REV3L: variants seen among roughly 807,000 people sequenced by gnomAD.
REV3L encodes the protein REV3 like, DNA directed polymerase zeta catalytic subunit, also known as DNA polymerase zeta catalytic subunit.
A neutral mutation model predicts 299.4 loss-of-function variants in REV3L; 69 were observed. The ratio of observed to expected loss-of-function variants is 0.23; its 90% CI spans 0.19 to 0.28. The LOEUF is 0.28. Among genes scored for constraint, REV3L ranks in the 10% least tolerant of loss-of-function variants. The pLI is 1.00. For missense variants in REV3L, 3,128 were observed against 3,693.8 expected (o/e 0.85, Z 3.97); for synonymous variants, 1,238 against 1,271.4 (o/e 0.97, Z 0.56).
At chr6:111,356,368 A>T (rs974883649) in intron 18 of REV3L, among the ~76,000 whole-genome samples, 4 of 152,144 alleles carry the variant, frequency 2.6e-5, no homozygotes, top group Non-Finnish European at 5.9e-5. Flanking sequence ...TAATGATTTT[A>T]TTTTTAAATT....
intron 1 of REV3L, among the ~76,000 whole-genome samples, chr6:111,480,011 G>GTA (rs1320072130): frequency 5.3e-5 from 8 of 151,978 alleles, no homozygotes; most frequent in Admixed American, 5.2e-4. Context: ...CTAGTAAAAG[G>GTA]GTATTAATCC....
At chr6:111,342,012 A>C (rs956540969) in intron 21 of REV3L, among the ~76,000 whole-genome samples, 1 of 152,040 alleles carries the variant, frequency 6.6e-6, no homozygotes, top group Non-Finnish European at 1.5e-5. Flanking sequence ...CCCTAGAGAA[A>C]GGCCTACTCT....
chr6:111,456,930 T>C (rs1380434224), intron 1 of REV3L, among the ~76,000 whole-genome samples: 4 of 152,146 alleles, frequency 2.6e-5, no homozygotes. Flanking sequence ...AAAGTCTGAA[T>C]CTACTCAAAA....
chr6:111,308,589 G>T (rs184786389), intron 30 of REV3L, among the ~76,000 whole-genome samples: 10 of 152,156 alleles, frequency 6.6e-5, no homozygotes, highest in Non-Finnish European at 1.3e-4. Flanking sequence ...ATAAGTTGGG[G>T]AACAACTATA....
chr6:111,325,082 T>C (rs889927591), intron 25 of REV3L, among the ~76,000 whole-genome samples: 10 of 152,242 alleles, frequency 6.6e-5, no homozygotes, highest in Admixed American at 6.5e-5. Context: ...AGGATGGTCT[T>C]GGTCTCCTGA....
Position 111,375,797 on chromosome 6 carries a change from G to A in REV3L, c.2558C>T (p.Thr853Ile). ...ATTATTTTGTATAAAATTATCTTTT[G>A]TGGATCCAGTCTCACTACTTTTGGT... is the stretch of plus-strand genomic sequence containing the variant. ...TSTKSSETGS[T>I]KDNFIQNNPC... The change falls in exon 13 of 32, where the codon ACA becomes ATA. Residue 853 changes from threonine to isoleucine, a missense_variant. Physicochemically the swap from Thr to Ile is moderately conservative, Grantham distance 89 (BLOSUM62 -1). Transcript: ENST00000368802. 1.2e-6 allele frequency: 2 copies of A among 1,613,442 alleles called. No homozygotes were observed. The highest frequency in any genetic ancestry group is 1.7e-6 in the Non-Finnish European group (2 of 1,179,692).
In REV3L at chr6:111,422,713, A is replaced by G. The variant is rs1270749618; in HGVS notation, c.140-6241T>C. On this transcript the variant is annotated intron_variant, in intron 1 of 31. Transcript: ENST00000368802. Reference sequence around the variant, plus strand: ...ATATATATATATATTTCCCCCCACTAAATATACAACTTGTGTAAACAAAAG... The same window carrying G: ...ATATATATATATATTTCCCCCCACTGAATATACAACTTGTGTAAACAAAAG... Among the ~76,000 whole-genome samples, 8 of 137,150 alleles carry G rather than the reference A, an allele frequency of 5.8e-5. 1 individual carries two copies. The highest frequency in any genetic ancestry group is 9.6e-5 in the Non-Finnish European group (6 of 62,712). 90.0% of individuals were successfully genotyped at this position (137,150 alleles called of 152,430 possible). A position where few individuals can be genotyped will look rare whatever the true frequency, so the allele number is the denominator to read the frequency against.
chr6:111,419,928 T>TCC (rs1471306289), intron 1 of REV3L, among the ~76,000 whole-genome samples: 1 of 152,044 alleles, frequency 6.6e-6, no homozygotes, highest in Admixed American at 6.5e-5. Context: ...TGCTGCAAGC[T>TCC]CCACCTCCCG....
intron 1 of REV3L, among the ~76,000 whole-genome samples, chr6:111,456,245 G>C (rs1480204735): frequency 6.6e-6 from 1 of 152,016 alleles, no homozygotes; most frequent in Non-Finnish European, 1.5e-5. Context: ...ACAATTCCTT[G>C]TTTCTGTTCT....
At chr6:111,403,469 T>C (rs1263729661) in intron 4 of REV3L, among the ~76,000 whole-genome samples, 1 of 152,206 alleles carries the variant, frequency 6.6e-6, no homozygotes, top group East Asian at 1.9e-4. Context: ...TGTGTTCATT[T>C]TGTGTCTCTC....
intron 9 of REV3L, 83 bp from the exon 10 acceptor site, chr6:111,381,527 G>A: frequency 8.5e-7 from 1 of 1,180,788 alleles, no homozygotes; most frequent in East Asian, 2.5e-5. Context: ...AAATTTGGAA[G>A]CATTACCATA....
Position 111,422,611 on chromosome 6 carries a change from T to TAC in REV3L, c.140-6141_140-6140dup, listed in dbSNP as rs372804101. The stretch of plus-strand genomic sequence containing the variant: ...ATATATATACACATATATATATATA[T>TAC]ACACATATATATATATATACACATA... On this transcript the variant is annotated intron_variant, in intron 1 of 31. Transcript: ENST00000368802. 1.8e-4 allele frequency among the ~76,000 whole-genome samples: 5 copies of TAC among 27,256 alleles called. 1 individual carries two copies. The highest frequency in any genetic ancestry group is 3.7e-4 in the Non-Finnish European group (3 of 8,116). The allele number at this position is 27,256 out of a possible 152,430, so 17.9% of individuals were successfully genotyped here.
At chr6:111,305,516 G>A (rs1224056090) in intron 31 of REV3L, among the ~76,000 whole-genome samples, 2 of 152,130 alleles carry the variant, frequency 1.3e-5, no homozygotes, top group Non-Finnish European at 2.9e-5. Context: ...GAGCCCAGGA[G>A]GTTGAGGCTG....
chr6:111,365,275 G>T lies in REV3L; in HGVS notation c.6743C>A (p.Thr2248Lys). 6.5e-7 allele frequency: 1 copy of T among 1,529,850 alleles called. No individual in the cohort carries two copies. The highest frequency in any genetic ancestry group is 8.8e-7 in the Non-Finnish European group (1 of 1,134,152). 94.8% of individuals were successfully genotyped at this position (1,529,850 alleles called of 1,614,324 possible). A position where few individuals can be genotyped will look rare whatever the true frequency, so the allele number is the denominator to read the frequency against. ...GTTTAGTATAGTTACCTTTGCTTGTGTTAACAGTACTCTTCTAAGAGTGTC... is the reference window on the plus strand; with the variant it reads ...GTTTAGTATAGTTACCTTTGCTTGTTTTAACAGTACTCTTCTAAGAGTGTC... Reference protein sequence around the residue: ...NTDTLRRVLLTQAKNQFAAVN... With the variant: ...NTDTLRRVLLKQAKNQFAAVN... Residue 2248 changes from threonine to lysine, a missense_variant, in exon 15 of 32, where the codon ACA becomes AAA. Coordinates refer to ENST00000368802, the MANE Select transcript of REV3L (RefSeq NM_001372078.1).
chr6:111,365,378 T>C (rs1779087982), intron 14 of REV3L, 34 bp from the exon 15 acceptor site: 2 of 1,259,016 alleles, frequency 1.6e-6, no homozygotes, highest in African/African-American at 1.5e-5. Context: ...AACATGTATA[T>C]CAAAATTACC....
chr6:111,406,675 T>C (rs1366551259), intron 3 of REV3L, among the ~76,000 whole-genome samples: 1 of 151,982 alleles, frequency 6.6e-6, no homozygotes, highest in Non-Finnish European at 1.5e-5. Context: ...AGCTGGTTAG[T>C]GGTGGTGCAA....
rs1001568051 is a variant in REV3L, at chr6:111,406,285, G to A, written c.405-655C>T. Among the ~76,000 whole-genome samples the A allele has an allele frequency of 1.3e-4, 20 of 152,138 alleles. No homozygotes were observed. The South Asian group carries it at 1.4e-3, about 11-fold the overall frequency. ...TAAAACTGCACATGTAAAGGGTCAC[G>A]AGAAAACACGGCTTATTCAGGAACT... On this transcript the variant is annotated intron_variant, in intron 3 of 31. Transcript: ENST00000368802.
chr6:111,332,129 T>G (rs940918883), intron 23 of REV3L, among the ~76,000 whole-genome samples: 5 of 152,154 alleles, frequency 3.3e-5, no homozygotes, highest in East Asian at 1.9e-4. Context: ...TGGAGTGCAG[T>G]GGCGCGATCT....
chr6:111,352,783 A>C (rs1432016128), intron 18 of REV3L, among the ~76,000 whole-genome samples: 1 of 152,188 alleles, frequency 6.6e-6, no homozygotes, highest in Non-Finnish European at 1.5e-5. Flanking sequence ...TCGTGGTCAG[A>C]GCTTCACTGG....
Sources: gnomAD v4.1 joint callset for allele counts (sites outside exome capture counted in the v4.1 genomes callset) on GRCh38, gnomAD v4.1.1 for gene constraint, MANE v1.5 for transcripts, NCBI Gene and HGNC (gene_info 2026-07-23, HGNC 2026-07-21) for gene names.